Variants in DOCK2 observed in about 807,000 individuals in gnomAD.
DOCK2 encodes dedicator of cytokinesis protein 2.
DOCK2 carries 87 observed loss-of-function variants against 248.9 expected under a neutral mutation model. The ratio of observed to expected loss-of-function variants is 0.35; its 90% CI spans 0.29 to 0.42. The LOEUF is 0.42. Ranked by LOEUF, DOCK2 falls within the 10% of genes least tolerant of loss-of-function variation. The pLI, the probability that DOCK2 is intolerant of heterozygous loss-of-function variation, is 1.00. For missense variants in DOCK2, 1,747 were observed against 2,300.2 expected (o/e 0.76, Z 4.92); for synonymous variants, 805 against 821.6 (o/e 0.98, Z 0.35).
At chr5:170,025,635 C>A (rs1246268151) in intron 33 of DOCK2, among the ~76,000 whole-genome samples, 1 of 152,162 alleles carries the variant, frequency 6.6e-6, no homozygotes, top group Non-Finnish European at 1.5e-5. Context: ...AGTCCCCAAC[C>A]CTTGACATTG....
rs984183476 is a variant in DOCK2, at chr5:169,841,712, G to A, written c.2799+860G>A. On this transcript the variant is annotated intron_variant, in intron 27 of 51. Coordinates refer to ENST00000520908, the MANE Select transcript of DOCK2 (RefSeq NM_004946.3). ...GAGGCTTGCCTTCTCTGATCACCCT[G>A]TCTACAATTCCCAGTACCTCTCCAT... 4.6e-5 allele frequency among the ~76,000 whole-genome samples: 7 copies of A among 152,086 alleles called. 1 individual carries two copies. The highest frequency in any genetic ancestry group is 4.6e-4 in the Admixed American group (7 of 15,268).
intron 26 of DOCK2, among the ~76,000 whole-genome samples, chr5:169,819,553 A>G (rs1478662392): frequency 6.6e-6 from 1 of 152,140 alleles, no homozygotes; most frequent in Non-Finnish European, 1.5e-5. Flanking sequence ...CCCAGAAGCT[A>G]GTGGATGCAG....
chr5:169,738,919 G>T (rs1169523254), intron 22 of DOCK2, among the ~76,000 whole-genome samples: 1 of 152,154 alleles, frequency 6.6e-6, no homozygotes, highest in African/African-American at 2.4e-5. Flanking sequence ...AGCCTGGTGG[G>T]CCCTTGGTCA....
At chr5:169,837,591 C>A (rs1035374012) in intron 26 of DOCK2, among the ~76,000 whole-genome samples, 4 of 152,114 alleles carry the variant, frequency 2.6e-5, no homozygotes, top group African/African-American at 7.2e-5. Flanking sequence ...TATATACCAA[C>A]CCCCAGTATC....
chr5:169,663,351 G>A (rs558987089), intron 2 of DOCK2, among the ~76,000 whole-genome samples: 2 of 152,330 alleles, frequency 1.3e-5, no homozygotes, highest in South Asian at 4.1e-4. Context: ...AGTGCAAGCT[G>A]TTGGTGGATC....
intron 27 of DOCK2, among the ~76,000 whole-genome samples, chr5:169,902,883 A>C (rs1774008925): frequency 1.3e-5 from 2 of 152,088 alleles, no homozygotes; most frequent in Non-Finnish European, 2.9e-5. Flanking sequence ...GCGGATCACA[A>C]GGTCAAGAGA....
At chr5:169,898,114 G>T (rs999053712) in intron 27 of DOCK2, among the ~76,000 whole-genome samples, 1 of 152,200 alleles carries the variant, frequency 6.6e-6, no homozygotes, top group Non-Finnish European at 1.5e-5. Flanking sequence ...CTTGTGTGTT[G>T]TTCTTCCTTT....
chr5:169,936,537 G>C (rs572809264), intron 27 of DOCK2, among the ~76,000 whole-genome samples: 6 of 150,284 alleles, frequency 4.0e-5, no homozygotes, highest in African/African-American at 1.2e-4. Flanking sequence ...TGTGTATTTC[G>C]ATGGGCATGT....
chr5:169,918,384 AAGG>A (rs1359305074), intron 27 of DOCK2, among the ~76,000 whole-genome samples: 1 of 152,202 alleles, frequency 6.6e-6, no homozygotes, highest in East Asian at 1.9e-4. Context: ...ACACATGTAC[AAGG>A]AGGTTACTGT....
Position 169,978,392 on chromosome 5 carries a change from TGG to T in DOCK2, c.2800-4664_2800-4663del, listed in dbSNP as rs150934804. On this transcript the variant is annotated intron_variant, in intron 27 of 51. Transcript: ENST00000520908. ...CTCTGTGTATGTGTGTGTGTGTGTG[TGG>T]GGGGGGGGGGGTGTAGGTGTGTTTG... 4.9e-3 allele frequency among the ~76,000 whole-genome samples: 112 copies of T among 22,732 alleles called. 2 individuals carry two copies. Among genetic ancestry groups the T allele is most frequent in the South Asian group, 0.014 (7 of 516 alleles). 14.9% of individuals were successfully genotyped at this position (22,732 alleles called of 152,430 possible).
At chr5:169,674,545 G>T (rs1759224934) in intron 6 of DOCK2, 100 bp downstream of exon 6, 2 of 1,528,818 alleles carry the variant, frequency 1.3e-6, no homozygotes, top group Non-Finnish European at 1.8e-6. Context: ...ATGCAATTTT[G>T]TCACTTTCTG....
intron 46 of DOCK2, among the ~76,000 whole-genome samples, chr5:170,070,168 G>A (rs1043693808): frequency 2.6e-5 from 4 of 152,384 alleles, no homozygotes; most frequent in Non-Finnish European, 5.9e-5. Context: ...GGCTCCGGAG[G>A]GCAGGAGCTG....
chr5:169,797,509 T>C (rs1397647493), intron 25 of DOCK2, among the ~76,000 whole-genome samples: 2 of 152,224 alleles, frequency 1.3e-5, no homozygotes, highest in African/African-American at 4.8e-5. Context: ...GACAAAACTT[T>C]CCTAAGGGAG....
chr5:169,699,908 C>G (rs1760866589), intron 12 of DOCK2, 106 bp from the exon 13 acceptor site: 5 of 1,528,110 alleles, frequency 3.3e-6, no homozygotes, highest in Non-Finnish European at 4.4e-6. Context: ...CTGTATGACT[C>G]TGTTCCCAGT....
At chr5:170,006,433 C>G (rs1402664267) in intron 30 of DOCK2, among the ~76,000 whole-genome samples, 1 of 152,148 alleles carries the variant, frequency 6.6e-6, no homozygotes, top group Non-Finnish European at 1.5e-5. Flanking sequence ...CTGCCTCAGT[C>G]TCCTGAGTAG....
intron 25 of DOCK2, among the ~76,000 whole-genome samples, chr5:169,776,773 G>A (rs776493402): frequency 3.3e-5 from 5 of 152,262 alleles, no homozygotes; most frequent in Non-Finnish European, 5.9e-5. Flanking sequence ...TGCTCGCCAC[G>A]CATTCTCACT....
Position 169,704,759 on chromosome 5 carries a change from A to ATGTG in DOCK2, c.1383+2376_1383+2379dup, listed in dbSNP as rs56289708. ...AAAACATCTCATTTACTCCATATAT[A>ATGTG]TGTGTGTGTGTGTGTGTGTGTGTGT... is the stretch of plus-strand genomic sequence containing the variant. On this transcript the variant is annotated intron_variant, in intron 14 of 51. Coordinates refer to ENST00000520908, the MANE Select transcript of DOCK2 (RefSeq NM_004946.3). Among the ~76,000 whole-genome samples, 1,334 of 139,976 alleles carry ATGTG rather than the reference A, an allele frequency of 9.5e-3. 9 individuals carry two copies. Among genetic ancestry groups the ATGTG allele is most frequent in the Admixed American group, 0.015 (220 of 14,486 alleles). The allele number at this position is 139,976 out of a possible 152,430, so 91.8% of individuals were successfully genotyped here.
At chr5:169,699,915 C>T in intron 12 of DOCK2, 99 bp from the exon 13 acceptor site, 5 of 1,543,682 alleles carry the variant, frequency 3.2e-6, no homozygotes, top group Non-Finnish European at 8.8e-7. Flanking sequence ...ACTCTGTTCC[C>T]AGTGATCTCC....
At chr5:169,642,979 C>T (rs188071703) in intron 1 of DOCK2, among the ~76,000 whole-genome samples, 1 of 152,090 alleles carries the variant, frequency 6.6e-6, no homozygotes. Flanking sequence ...CACATGGGTG[C>T]CACAGTCTGT....
Sources: gnomAD v4.1 joint callset for allele counts (sites outside exome capture counted in the v4.1 genomes callset) on GRCh38, gnomAD v4.1.1 for gene constraint, MANE v1.5 for transcripts, NCBI Gene and HGNC (gene_info 2026-07-23, HGNC 2026-07-21) for gene names.